Variants in MTR observed in about 807,000 individuals in gnomAD.
MTR encodes 5-methyltetrahydrofolate-homocysteine methyltransferase, also known as methionine synthase.
Under a neutral mutation model 154.8 loss-of-function variants are expected in MTR, and 84 were observed. That is an observed-to-expected ratio of 0.54 (90% confidence interval 0.45 to 0.65). The LOEUF is 0.65. MTR is among the 30% of genes least tolerant of loss of function. The pLI is 0.00. For synonymous variants in MTR, 554 were observed against 553.9 expected, an observed-to-expected ratio of 1.00 and a Z score of 0.00; for missense variants, 1,275 against 1,570.2, an observed-to-expected ratio of 0.81 and a Z score of 3.18.
chr1:236,802,516 C>A (rs11589672), intron 1 of MTR, among the ~76,000 whole-genome samples: 91,921 of 151,770 alleles, frequency 0.61, 28,005 homozygotes, highest in South Asian at 0.62. Flanking sequence ...GGTCATCATG[C>A]GCTTTTCCTT....
chr1:236,810,370 C>T lies in MTR; in HGVS notation c.410-133C>T. 3 of 791,596 alleles carry T rather than the reference C, an allele frequency of 3.8e-6. No homozygotes were observed. In the East Asian group the frequency reaches 7.6e-5, roughly 20 times the overall value. The allele number at this position is 791,596 out of a possible 1,614,324, so 49.0% of individuals were successfully genotyped here. A position where few individuals can be genotyped will look rare whatever the true frequency, so the allele number is the denominator to read the frequency against. On this transcript the variant is annotated intron_variant, in intron 4 of 32. Coordinates refer to ENST00000366577, the MANE Select transcript of MTR (RefSeq NM_000254.3). Reference sequence around the variant, plus strand: ...GAGAAAAAAGTTTGGGCTTTTAGAGCTTTTTGGATTTCAGAGTTGTGGACA... The same window carrying T: ...GAGAAAAAAGTTTGGGCTTTTAGAGTTTTTTGGATTTCAGAGTTGTGGACA...
rs1331736496 is a variant in MTR at position 236,886,583 on chromosome 1, TAGC to T, written c.2851+220_2851+222del. Among the ~76,000 whole-genome samples, 35 of 152,344 alleles carry T rather than the reference TAGC, an allele frequency of 2.3e-4. No individual in the cohort carries two copies. The East Asian group carries it at 6.6e-3, about 29-fold the overall frequency. ...CAGATACCATCCTGAGATGGACTCATAGCAGCTCTCTGAGTCCTTCAGACAACT... is the reference window on the plus strand; with the variant it reads ...CAGATACCATCCTGAGATGGACTCATAGCTCTCTGAGTCCTTCAGACAACT... On this transcript the variant is annotated intron_variant, in intron 27 of 32. Transcript: ENST00000366577.
intron 18 of MTR, among the ~76,000 whole-genome samples, chr1:236,855,802 A>G (rs1664171412): frequency 6.6e-6 from 1 of 152,186 alleles, no homozygotes; most frequent in Non-Finnish European, 1.5e-5. Flanking sequence ...TTTCTATGTA[A>G]GCTTCCACAG....
chr1:236,894,165 T>C (rs923642116), intron 29 of MTR, among the ~76,000 whole-genome samples, 192 bp from the exon 30 acceptor site: 1 of 152,244 alleles, frequency 6.6e-6, no homozygotes, highest in African/African-American at 2.4e-5. Flanking sequence ...CTTACAAATA[T>C]TTATTGGATA....
At chr1:236,879,919 C>T (rs893548278) in intron 24 of MTR, among the ~76,000 whole-genome samples, 3 of 151,834 alleles carry the variant, frequency 2.0e-5, no homozygotes, top group South Asian at 2.1e-4. Context: ...TTTGGGAAGC[C>T]GAGGCAGGTG....
chr1:236,874,600 G>T, intron 23 of MTR, 126 bp from the exon 24 acceptor site: 1 of 744,330 alleles, frequency 1.3e-6, no homozygotes. Flanking sequence ...TAGGAATTGG[G>T]AATTCATGTT....
At chr1:236,884,985 C>T in intron 25 of MTR, 136 bp from the exon 26 acceptor site, 3 of 697,554 alleles carry the variant, frequency 4.3e-6, no homozygotes, top group South Asian at 3.0e-5. Flanking sequence ...GCACGCCAGG[C>T]AGGAATTAGC....
rs762089950 is a variant in MTR at position 236,829,222 on chromosome 1, T to G, written c.1029T>G (p.Pro343=). 6.2e-7 allele frequency: 1 copy of G among 1,614,088 alleles called. No homozygotes were observed. The highest frequency in any genetic ancestry group is 8.5e-7 in the Non-Finnish European group (1 of 1,179,956). Reference sequence around the variant, plus strand: ...CTGAAGCTGTGAAAAATTGTAAGCCTAGAGTTCCACCTGCCACTGCTTTTG... The same window carrying G: ...CTGAAGCTGTGAAAAATTGTAAGCCGAGAGTTCCACCTGCCACTGCTTTTG... ...EIAEAVKNCK[P]RVPPATAFEG... Residue 343 remains proline, a synonymous_variant, in exon 12 of 33, where the codon CCT becomes CCG. Transcript: ENST00000366577.
intron 22 of MTR, among the ~76,000 whole-genome samples, chr1:236,871,159 G>A (rs896710201): frequency 2.6e-5 from 4 of 152,186 alleles, no homozygotes; most frequent in African/African-American, 9.7e-5. Context: ...TGTGTAGTGG[G>A]TATAATCTGG....
intron 19 of MTR, among the ~76,000 whole-genome samples, chr1:236,860,167 A>G (rs1055448152): frequency 7.1e-6 from 1 of 141,680 alleles, no homozygotes; most frequent in East Asian, 2.2e-4. Flanking sequence ...CTGGCATCCT[A>G]TGGCCAGGGG....
At chr1:236,814,291 G>A (rs1661468628) in intron 6 of MTR, among the ~76,000 whole-genome samples, 1 of 152,076 alleles carries the variant, frequency 6.6e-6, no homozygotes, top group South Asian at 2.1e-4. Flanking sequence ...TTGAAAATGA[G>A]AGCAGTAACA....
chr1:236,897,756 A>C lies in MTR; in HGVS notation c.*112A>C, dbSNP rs2853522. ...ACCTGTGTGCATCTGGCTGACACTT[A>C]CCTGCTTCTGGTTTTCGAAGACTAT... On this transcript the variant is annotated 3_prime_UTR_variant, in exon 33 of 33. Coordinates refer to ENST00000366577, the MANE Select transcript of MTR (RefSeq NM_000254.3). 0.59 allele frequency: 530,848 copies of C among 898,370 alleles called. 159,048 individuals carry two copies. Among genetic ancestry groups the C allele is most frequent in the South Asian group, 0.63 (44,518 of 71,002 alleles). The allele number at this position is 898,370 out of a possible 1,614,324, so 55.6% of individuals were successfully genotyped here.
At chr1:236,863,830 G>T (rs942718691) in intron 22 of MTR, among the ~76,000 whole-genome samples, 8 of 152,196 alleles carry the variant, frequency 5.3e-5, no homozygotes, top group African/African-American at 1.9e-4. Context: ...TCCTGGGGTT[G>T]GATGTTGGGA....
chr1:236,831,778 A>G (rs1247790706), intron 12 of MTR, among the ~76,000 whole-genome samples, 188 bp from the exon 13 acceptor site: 1 of 152,240 alleles, frequency 6.6e-6, no homozygotes, highest in Admixed American at 6.5e-5. Flanking sequence ...AGTTGTAACA[A>G]ATAGCCTTTA....
At chr1:236,872,200 C>T (rs970710316) in intron 22 of MTR, among the ~76,000 whole-genome samples, 1 of 152,108 alleles carries the variant, frequency 6.6e-6, no homozygotes, top group Non-Finnish European at 1.5e-5. Flanking sequence ...TTCCTGTTTC[C>T]TCTGAGTTCC....
chr1:236,886,584 A>G (rs1229490622), intron 27 of MTR, among the ~76,000 whole-genome samples: 2 of 152,168 alleles, frequency 1.3e-5, no homozygotes, highest in Non-Finnish European at 2.9e-5. Context: ...ATGGACTCAT[A>G]GCAGCTCTCT....
At chr1:236,816,179 A>T (rs781702915) in intron 7 of MTR, among the ~76,000 whole-genome samples, 12 of 152,142 alleles carry the variant, frequency 7.9e-5, no homozygotes, top group Non-Finnish European at 1.3e-4. Context: ...ATGAGACTGG[A>T]TGTGTGAATT....
chr1:236,889,774 G>A (rs1055657565), intron 28 of MTR, among the ~76,000 whole-genome samples: 2 of 152,172 alleles, frequency 1.3e-5, no homozygotes, highest in African/African-American at 2.4e-5. Flanking sequence ...GGGAGTTGCC[G>A]TGGCTGGGAC....
At chr1:236,800,166 C>T in intron 1 of MTR, 1 of 985,342 alleles carries the variant, frequency 1.0e-6, no homozygotes, top group Non-Finnish European at 1.2e-6. Context: ...AACTTGTGTG[C>T]ACTCGCTCAG....
Sources: gnomAD v4.1 joint callset for allele counts (sites outside exome capture counted in the v4.1 genomes callset) on GRCh38, gnomAD v4.1.1 for gene constraint, MANE v1.5 for transcripts, NCBI Gene and HGNC (gene_info 2026-07-23, HGNC 2026-07-21) for gene names.